The following ADARB2 variants were observed in gnomAD, a reference collection of about 807,000 sequenced individuals.
The protein encoded by ADARB2 is adenosine deaminase RNA specific B2 (inactive).
A neutral mutation model predicts 62.2 loss-of-function variants in ADARB2; 25 were observed. The ratio of observed to expected loss-of-function variants is 0.40; its 90% CI spans 0.29 to 0.56. ADARB2 has a LOEUF of 0.56. Among genes scored for constraint, ADARB2 ranks in the 20% least tolerant of loss-of-function variants. ADARB2 has a pLI of 0.43. For synonymous variants in ADARB2, 572 were observed against 500.8 expected (o/e 1.14, Z -1.90); for missense variants, 1,071 against 1,077.4 (o/e 0.99, Z 0.08).
At chr10:1,588,009 G>T (rs1416482681) in intron 1 of ADARB2, among the ~76,000 whole-genome samples, 2 of 152,132 alleles carry the variant, frequency 1.3e-5, no homozygotes, top group African/African-American at 4.8e-5. Flanking sequence ...CCCAGTCTCG[G>T]TTGCGTCTTT....
intron 1 of ADARB2, among the ~76,000 whole-genome samples, chr10:1,582,004 T>C (rs1436825536): frequency 1.3e-5 from 2 of 152,148 alleles, no homozygotes; most frequent in Admixed American, 6.5e-5. Context: ...CTGAGCTTGG[T>C]TGACACTCGA....
intron 1 of ADARB2, among the ~76,000 whole-genome samples, chr10:1,612,566 G>A (rs1013584902): frequency 1.3e-5 from 2 of 152,208 alleles, no homozygotes; most frequent in African/African-American, 2.4e-5. Flanking sequence ...TTGTTTATAG[G>A]TGAGAAAATT....
At chr10:1,673,712 T>A (rs1255194141) in intron 1 of ADARB2, among the ~76,000 whole-genome samples, 1 of 152,172 alleles carries the variant, frequency 6.6e-6, no homozygotes, top group Non-Finnish European at 1.5e-5. Flanking sequence ...GTCTGCTGCA[T>A]GGACAGGGCT....
At chr10:1,409,186 C>T (rs1452277890) in intron 1 of ADARB2, among the ~76,000 whole-genome samples, 3 of 152,098 alleles carry the variant, frequency 2.0e-5, no homozygotes, top group African/African-American at 4.8e-5. Context: ...CTGCCTTCCT[C>T]GACCCGCCCT....
intron 1 of ADARB2, among the ~76,000 whole-genome samples, chr10:1,628,518 C>T (rs572726328): frequency 3.9e-5 from 6 of 152,362 alleles, no homozygotes; most frequent in Non-Finnish European, 5.9e-5. Flanking sequence ...AGTTTAATCA[C>T]GGCCTTTTCT....
intron 1 of ADARB2, among the ~76,000 whole-genome samples, chr10:1,724,902 T>G (rs1370121763): frequency 2.0e-5 from 3 of 152,160 alleles, no homozygotes; most frequent in African/African-American, 7.2e-5. Context: ...CGCTGTAAAA[T>G]GAAGACAATA....
rs1357851670 is a variant in ADARB2, at chr10:1,247,041, T to A, written c.1193-4742A>T. Among the ~76,000 whole-genome samples the A allele has an allele frequency of 2.0e-5, 3 of 152,292 alleles. No homozygotes were observed. The East Asian group carries it at 5.8e-4, about 30-fold the overall frequency. ...TGGTTTGTAGTTCTCCTTGAAGAGGTCCTTCACATCCCTTGTAAGTTGGAT... is the reference window on the plus strand; with the variant it reads ...TGGTTTGTAGTTCTCCTTGAAGAGGACCTTCACATCCCTTGTAAGTTGGAT... On this transcript the variant is annotated intron_variant, in intron 4 of 9. Coordinates refer to ENST00000381312, the MANE Select transcript of ADARB2 (RefSeq NM_018702.4).
Position 1,180,717 on chromosome 10 carries a change from G to T in ADARB2, c.*2476C>A, listed in dbSNP as rs1474531434. The T allele has an allele frequency of 6.6e-6, 1 of 152,406 alleles. No homozygotes were observed. Among genetic ancestry groups the T allele is most frequent in the African/African-American group, 2.4e-5 (1 of 41,430 alleles). 9.4% of individuals were successfully genotyped at this position (152,406 alleles called of 1,614,324 possible). A position where few individuals can be genotyped will look rare whatever the true frequency, so the allele number is the denominator to read the frequency against. ...ACAGATCCCTCCACGGAAAGGCTCC[G>T]GCACCTCAACCTCACTCTGGCTGCA... On this transcript the variant is annotated 3_prime_UTR_variant, in exon 10 of 10. Coordinates refer to ENST00000381312, the MANE Select transcript of ADARB2 (RefSeq NM_018702.4).
chr10:1,629,321 G>A (rs1168787896), intron 1 of ADARB2, among the ~76,000 whole-genome samples: 1 of 152,030 alleles, frequency 6.6e-6, no homozygotes, highest in Non-Finnish European at 1.5e-5. Context: ...GACAAGTGTG[G>A]GTTTACTCCT....
At chr10:1,190,835 T>C (rs1836832525) in intron 8 of ADARB2, among the ~76,000 whole-genome samples, 1 of 152,242 alleles carries the variant, frequency 6.6e-6, no homozygotes, top group Non-Finnish European at 1.5e-5. Context: ...ACCCCTTTTT[T>C]CAGACAAGGT....
intron 4 of ADARB2, among the ~76,000 whole-genome samples, chr10:1,245,354 C>CT (rs1216147438): frequency 6.6e-6 from 1 of 151,946 alleles, no homozygotes; most frequent in Non-Finnish European, 1.5e-5. Flanking sequence ...TTTTATTATA[C>CT]TTTAAGTTTT....
intron 1 of ADARB2, among the ~76,000 whole-genome samples, chr10:1,380,141 T>G (rs2805508): frequency 0.79 from 120,313 of 152,110 alleles, 48,178 homozygotes; most frequent in Non-Finnish European, 0.86. Flanking sequence ...AGCACAGGGA[T>G]CCCCTGGCTC....
intron 1 of ADARB2, among the ~76,000 whole-genome samples, chr10:1,516,423 C>T (rs1564314531): frequency 6.6e-6 from 1 of 152,114 alleles, no homozygotes; most frequent in African/African-American, 2.4e-5. Context: ...CGTGCATTCT[C>T]GACATACACG....
At chr10:1,185,394 A>C (rs1836738150) in intron 8 of ADARB2, among the ~76,000 whole-genome samples, 1 of 152,236 alleles carries the variant, frequency 6.6e-6, no homozygotes, top group Non-Finnish European at 1.5e-5. Context: ...TGTGTTTATC[A>C]GGCACCTTTG....
intron 8 of ADARB2, among the ~76,000 whole-genome samples, chr10:1,188,552 A>G (rs1284187519): frequency 6.6e-6 from 1 of 151,842 alleles, no homozygotes; most frequent in Non-Finnish European, 1.5e-5. Flanking sequence ...TGGCAAAAGA[A>G]AAACTTCCCA....
At chr10:1,438,130 T>C (rs1015029186) in intron 1 of ADARB2, among the ~76,000 whole-genome samples, 22 of 152,148 alleles carry the variant, frequency 1.4e-4, no homozygotes, top group African/African-American at 5.3e-4. Flanking sequence ...GCACCTTCCT[T>C]CCCCTCAGTG....
chr10:1,451,188 C>G (rs1564292672), intron 1 of ADARB2, among the ~76,000 whole-genome samples: 1 of 152,182 alleles, frequency 6.6e-6, no homozygotes, highest in Non-Finnish European at 1.5e-5. Context: ...CACTTTTTCT[C>G]AGGAGACAAC....
chr10:1,423,334 C>G (rs887669282), intron 1 of ADARB2, among the ~76,000 whole-genome samples: 5 of 152,234 alleles, frequency 3.3e-5, no homozygotes, highest in African/African-American at 1.2e-4. Context: ...CAGCTCAACT[C>G]CCCTGTTCTC....
chr10:1,470,572 A>C (rs1346778245), intron 1 of ADARB2, among the ~76,000 whole-genome samples: 1 of 152,242 alleles, frequency 6.6e-6, no homozygotes, highest in African/African-American at 2.4e-5. Context: ...GCCCTTTCAC[A>C]GCCAGAACTT....
Sources: allele counts gnomAD v4.1 joint callset (sites outside exome capture counted in the v4.1 genomes callset), GRCh38; gene constraint gnomAD v4.1.1; transcripts MANE v1.5; gene names NCBI Gene and HGNC (gene_info 2026-07-23, HGNC 2026-07-21).